Variants in C2orf74 observed in about 807,000 individuals in gnomAD.
C2orf74 encodes uncharacterized protein C2orf74.
In C2orf74, 14 loss-of-function variants were observed where a neutral mutation model predicts 17.9. The observed-to-expected ratio is 0.78, with a 90% CI of 0.52 to 1.22. The LOEUF is 1.22. Ranked by LOEUF, C2orf74 falls within the 50% of genes most tolerant of loss-of-function variation. C2orf74 has a pLI of 0.00. For synonymous variants in C2orf74, 79 were observed against 72.6 expected (o/e 1.09, Z -0.44); for missense variants, 217 against 218.4 (o/e 0.99, Z 0.04).
chr2:61,159,824 A>G (rs1346123171), upstream of C2orf74, among the ~76,000 whole-genome samples: 4 of 152,254 alleles, frequency 2.6e-5, no homozygotes, highest in Non-Finnish European at 4.4e-5. Context: ...TAAAATATAC[A>G]TAACATAAAA....
chr2:61,155,851 T>C (rs184964428), intron 1 of C2orf74, among the ~76,000 whole-genome samples: 10 of 152,132 alleles, frequency 6.6e-5, no homozygotes, highest in Admixed American at 3.9e-4. Context: ...TTAAACAGTT[T>C]TAAAGCAGAA....
rs921349996 is a variant in C2orf74, at chr2:61,162,188, G to A, written c.-232G>A. On this transcript the variant is annotated 5_prime_UTR_variant, in exon 1 of 5. Coordinates refer to ENST00000432605, the MANE Select transcript of C2orf74 (RefSeq NM_001143959.4). ...AGCTGGGCTCAGCTCCAGCTGTTCC[G>A]ATTCCTCTCTCCTCTGGGTCCTGAT... is the stretch of plus-strand genomic sequence containing the variant. The A allele has an allele frequency of 2.7e-5, 8 of 299,724 alleles. No individual in the cohort carries two copies. Among genetic ancestry groups the A allele is most frequent in the Middle Eastern group, 1.0e-3 (1 of 1,000 alleles). 18.6% of individuals were successfully genotyped at this position (299,724 alleles called of 1,614,324 possible).
chr2:61,160,623 C>G (rs1192027481), upstream of C2orf74, among the ~76,000 whole-genome samples: 1 of 152,052 alleles, frequency 6.6e-6, no homozygotes, highest in East Asian at 1.9e-4. Context: ...ATTTTCCTGC[C>G]TCAGCCTCCC....
At chr2:61,153,758 G>A (rs74992513) in intron 1 of C2orf74, among the ~76,000 whole-genome samples, 20,718 of 151,162 alleles carry the variant, frequency 0.14, 1,936 homozygotes, top group South Asian at 0.35. Flanking sequence ...GCATGGTGGT[G>A]CACACCTGTA....
upstream of C2orf74, among the ~76,000 whole-genome samples, chr2:61,160,808 A>G (rs561703441): frequency 5.9e-5 from 9 of 152,204 alleles, no homozygotes; most frequent in South Asian, 1.9e-3. Flanking sequence ...TTATCTATCC[A>G]TCCTTCGATG....
At chr2:61,154,234 CAAAA>C (rs34669899) in intron 1 of C2orf74, among the ~76,000 whole-genome samples, 59,191 of 131,772 alleles carry the variant, frequency 0.45, 12,013 homozygotes, top group Middle Eastern at 0.54. Context: ...AATTCTGTCT[CAAAA>C]AAAAAAAAAA....
chr2:61,162,278 C>G lies in C2orf74; in HGVS notation c.-142C>G. 2 of 543,266 alleles carry G rather than the reference C, an allele frequency of 3.7e-6. No individual in the cohort carries two copies. Among genetic ancestry groups the G allele is most frequent in the Non-Finnish European group, 6.4e-6 (2 of 310,196 alleles). 33.7% of individuals were successfully genotyped at this position (543,266 alleles called of 1,614,324 possible). ...TGTCCCAGCTCAGTCTCCCCTCTGG[C>G]CACCTCAGCCCCCACCACAGTTATG... On this transcript the variant is annotated 5_prime_UTR_variant, in exon 1 of 5. Transcript: ENST00000432605.
chr2:61,151,044 G>A (rs1685211565), intron 1 of C2orf74, among the ~76,000 whole-genome samples: 1 of 152,128 alleles, frequency 6.6e-6, no homozygotes, highest in African/African-American at 2.4e-5. Flanking sequence ...CAGACTGGGT[G>A]CAGTGGCTCA....
intron 4 of C2orf74, 29 bp from the exon 5 acceptor site, chr2:61,164,325 T>C: frequency 6.7e-7 from 1 of 1,483,902 alleles, no homozygotes; most frequent in Admixed American, 2.5e-5. Context: ...TGATTATTTG[T>C]TTATATTGTT....
At chr2:61,147,080 G>C (rs1275456962) in intron 1 of C2orf74, among the ~76,000 whole-genome samples, 1 of 151,232 alleles carries the variant, frequency 6.6e-6, no homozygotes, top group Admixed American at 6.6e-5. Flanking sequence ...GAGGTGGGGG[G>C]ATCGGTTGAG....
chr2:61,163,085 G>C lies in C2orf74; in HGVS notation c.243G>C (p.Pro81=), dbSNP rs1364615032. The C allele has an allele frequency of 1.3e-6, 2 of 1,551,996 alleles. No homozygotes were observed. The highest frequency in any genetic ancestry group is 8.7e-7 in the Non-Finnish European group (1 of 1,147,062). Residue 81 remains proline (P), a synonymous_variant, in exon 4 of 5, where the codon CCG becomes CCC. Coordinates refer to ENST00000432605, the MANE Select transcript of C2orf74 (RefSeq NM_001143959.4). ...TGCAAGTCATGAACTTGAATGTGCC[G>C]ATGAGGCCTGGCATTCTTGTCCAGA... ...ILMQVMNLNV[P]MRPGILVQRQ...
At chr2:61,156,606 G>A (rs1327317112) in intron 1 of C2orf74, among the ~76,000 whole-genome samples, 2 of 152,068 alleles carry the variant, frequency 1.3e-5, no homozygotes, top group Admixed American at 6.6e-5. Context: ...ATAATTGGCC[G>A]GGCGTGGTGG....
intron 1 of C2orf74, among the ~76,000 whole-genome samples, chr2:61,156,194 G>C (rs1407059616): frequency 6.6e-6 from 1 of 152,076 alleles, no homozygotes; most frequent in Non-Finnish European, 1.5e-5. Context: ...GCAAGACCCA[G>C]TGTCAAGAAA....
chr2:61,149,070 C>T (rs763715885), intron 1 of C2orf74, among the ~76,000 whole-genome samples: 5 of 152,180 alleles, frequency 3.3e-5, no homozygotes, highest in Non-Finnish European at 7.3e-5. Flanking sequence ...CCTCCTGGTA[C>T]AAACATGAGC....
At chr2:61,155,435 A>G (rs936397575) in intron 1 of C2orf74, among the ~76,000 whole-genome samples, 4 of 152,154 alleles carry the variant, frequency 2.6e-5, no homozygotes, top group South Asian at 2.1e-4. Context: ...GGGGTCTTCA[A>G]ATGAATGCAA....
At chr2:61,148,864 A>G (rs1685143413) in intron 1 of C2orf74, among the ~76,000 whole-genome samples, 1 of 152,130 alleles carries the variant, frequency 6.6e-6, no homozygotes. Context: ...TTACAGGTGC[A>G]CAACACCACA....
At chr2:61,154,149 G>A (rs1476143433) in intron 1 of C2orf74, among the ~76,000 whole-genome samples, 2 of 149,772 alleles carry the variant, frequency 1.3e-5, no homozygotes, top group East Asian at 2.0e-4. Context: ...CAGGAGAATC[G>A]CTTGAACCTG....
chr2:61,156,870 A>T (rs1573715665), intron 1 of C2orf74, among the ~76,000 whole-genome samples: 1 of 152,128 alleles, frequency 6.6e-6, no homozygotes, highest in South Asian at 2.1e-4. Context: ...ACAAAGTGAG[A>T]CCCTGTCTCA....
intron 1 of C2orf74, among the ~76,000 whole-genome samples, chr2:61,153,934 A>G (rs538125467): frequency 6.6e-6 from 1 of 150,920 alleles, no homozygotes; most frequent in South Asian, 2.1e-4. Flanking sequence ...GTCTTCCTTT[A>G]CTTCAGATAA....
Sources: allele counts gnomAD v4.1 joint callset (sites outside exome capture counted in the v4.1 genomes callset), GRCh38; gene constraint gnomAD v4.1.1; transcripts MANE v1.5; gene names NCBI Gene and HGNC (gene_info 2026-07-23, HGNC 2026-07-21).